Variants in SAMD4A observed in about 807,000 individuals in gnomAD.
SAMD4A encodes the protein sterile alpha motif domain containing 4A, also known as protein Smaug homolog 1.
A neutral mutation model predicts 81.3 loss-of-function variants in SAMD4A; 33 were observed. The observed-to-expected ratio is 0.41, with a 90% confidence interval of 0.31 to 0.54. The LOEUF (loss-of-function observed/expected upper bound fraction) is 0.54, where lower values mean the gene tolerates loss of function less well. Ranked by LOEUF, SAMD4A falls within the 20% of genes least tolerant of loss-of-function variation. SAMD4A has a pLI of 0.37. For missense variants in SAMD4A, 854 were observed against 951.1 expected, an observed-to-expected ratio of 0.90 and a Z score of 1.34; for synonymous variants, 389 against 382.1, an observed-to-expected ratio of 1.02 and a Z score of -0.21.
intron 2 of SAMD4A, chr14:54,652,788 T>C (rs2140429226): frequency 6.6e-6 from 1 of 152,306 alleles, no homozygotes; most frequent in African/African-American, 2.4e-5. Context: ...CTACTTAATC[T>C]CGGACTCTTC....
chr14:54,614,310 G>A (rs1164105686), intron 2 of SAMD4A, among the ~76,000 whole-genome samples: 1 of 152,024 alleles, frequency 6.6e-6, no homozygotes, highest in Admixed American at 6.5e-5. Context: ...TATTTTTTAA[G>A]TTTCTTGGTT....
intron 2 of SAMD4A, among the ~76,000 whole-genome samples, chr14:54,599,397 A>T (rs976625346): frequency 1.2e-4 from 18 of 152,134 alleles, no homozygotes; most frequent in Non-Finnish European, 8.8e-5. Flanking sequence ...TAACCTGAGC[A>T]CCTTATTTTT....
intron 7 of SAMD4A, among the ~76,000 whole-genome samples, chr14:54,763,605 G>A (rs1318781740): frequency 1.3e-5 from 2 of 152,148 alleles, no homozygotes; most frequent in African/African-American, 4.8e-5. Context: ...GCCATGCAGG[G>A]TTAGGGACAG....
intron 4 of SAMD4A, among the ~76,000 whole-genome samples, chr14:54,744,693 C>T (rs1398420655): frequency 6.6e-6 from 1 of 152,158 alleles, no homozygotes; most frequent in Non-Finnish European, 1.5e-5. Context: ...CCTTGCACTT[C>T]CCCCTGAAAG....
chr14:54,767,676 T>G (rs1459445770), intron 8 of SAMD4A, among the ~76,000 whole-genome samples: 1 of 152,086 alleles, frequency 6.6e-6, no homozygotes, highest in East Asian at 1.9e-4. Context: ...AGCCTTCCCT[T>G]CCCCTCCAGG....
At chr14:54,618,034 G>T (rs1001774005) in intron 2 of SAMD4A, among the ~76,000 whole-genome samples, 1 of 152,084 alleles carries the variant, frequency 6.6e-6, no homozygotes, top group South Asian at 2.1e-4. Flanking sequence ...GTTTTTTCCC[G>T]AAGGAGTTTG....
At chr14:54,581,761 T>A (rs967514387) in intron 2 of SAMD4A, among the ~76,000 whole-genome samples, 9 of 152,248 alleles carry the variant, frequency 5.9e-5, no homozygotes, top group Non-Finnish European at 4.4e-5. Context: ...GATAATTTTT[T>A]AAAATTCTGT....
intron 2 of SAMD4A, among the ~76,000 whole-genome samples, chr14:54,689,219 C>T (rs1255281218): frequency 6.6e-6 from 1 of 152,130 alleles, no homozygotes; most frequent in Admixed American, 6.5e-5. Context: ...AGGCATGAGC[C>T]ACCGCGCCCG....
In SAMD4A at chr14:54,791,948, T is replaced by C. The variant is rs1383074984; in HGVS notation, c.*3004T>C. Reference sequence around the variant, plus strand: ...AATCTCAGAGTAAAATCTATTTCACTACATGCTTTTCCCCCCTTGTTCTGA... The same window carrying C: ...AATCTCAGAGTAAAATCTATTTCACCACATGCTTTTCCCCCCTTGTTCTGA... On this transcript the variant is annotated 3_prime_UTR_variant, in exon 13 of 13. Coordinates refer to ENST00000554335, the MANE Select transcript of SAMD4A (RefSeq NM_015589.6). 1 of 152,260 alleles carries C rather than the reference T, an allele frequency of 6.6e-6. No individual in the cohort carries two copies. Among genetic ancestry groups the C allele is most frequent in the African/African-American group, 2.4e-5 (1 of 41,470 alleles). 9.4% of individuals were successfully genotyped at this position (152,260 alleles called of 1,614,324 possible). A position where few individuals can be genotyped will look rare whatever the true frequency, so the allele number is the denominator to read the frequency against.
chr14:54,606,475 G>A (rs2034209485), intron 2 of SAMD4A, among the ~76,000 whole-genome samples: 1 of 152,150 alleles, frequency 6.6e-6, no homozygotes, highest in Non-Finnish European at 1.5e-5. Flanking sequence ...GCGGGGGGAG[G>A]AGTTTGCCCC....
In SAMD4A at chr14:54,567,757, G is replaced by C; in HGVS notation, c.-160G>C. 4 of 639,942 alleles carry C rather than the reference G, an allele frequency of 6.3e-6. No individual in the cohort carries two copies. Among genetic ancestry groups the C allele is most frequent in the Non-Finnish European group, 1.0e-5 (4 of 389,432 alleles). The allele number at this position is 639,942 out of a possible 1,614,324, so 39.6% of individuals were successfully genotyped here. Reference sequence around the variant, plus strand: ...ACGTAACTGAAACCAGACAAGAGAGGCAGGAGCCCAGGCAGTACCTGCAGC... The same window carrying C: ...ACGTAACTGAAACCAGACAAGAGAGCCAGGAGCCCAGGCAGTACCTGCAGC... On this transcript the variant is annotated 5_prime_UTR_variant, in exon 2 of 13. Coordinates refer to ENST00000554335, the MANE Select transcript of SAMD4A (RefSeq NM_015589.6).
intron 3 of SAMD4A, among the ~76,000 whole-genome samples, chr14:54,722,657 C>T (rs894219122): frequency 2.0e-5 from 3 of 152,110 alleles, no homozygotes; most frequent in Admixed American, 6.5e-5. Context: ...TCTTTGATTC[C>T]TTAACTGATA....
Position 54,775,151 on chromosome 14 carries a change from A to G in SAMD4A, c.1917+16A>G, listed in dbSNP as rs2038809611. ...AGGAAGACAGGTTTGTTCTGCCCCA[A>G]GGAAGGAGGAGGATGGCCAAGCTCA... On this transcript the variant is annotated intron_variant, in intron 10 of 12. Coordinates refer to ENST00000554335, the MANE Select transcript of SAMD4A (RefSeq NM_015589.6). 1.9e-6 allele frequency: 3 copies of G among 1,614,004 alleles called. No individual in the cohort carries two copies. The highest frequency in any genetic ancestry group is 3.3e-5 in the Admixed American group (2 of 60,006).
intron 8 of SAMD4A, among the ~76,000 whole-genome samples, chr14:54,767,768 T>C (rs1359193450): frequency 1.3e-5 from 2 of 152,190 alleles, no homozygotes; most frequent in Non-Finnish European, 2.9e-5. Flanking sequence ...TCATAGCCAA[T>C]GCAGATCCCC....
intron 2 of SAMD4A, among the ~76,000 whole-genome samples, chr14:54,667,906 G>C (rs1014215353): frequency 2.0e-5 from 3 of 152,182 alleles, no homozygotes; most frequent in African/African-American, 7.2e-5. Flanking sequence ...GCTGTTCAGT[G>C]GTGGGCCTGC....
At chr14:54,693,133 G>A (rs1233991847) in intron 2 of SAMD4A, 1 of 152,046 alleles carries the variant, frequency 6.6e-6, no homozygotes, top group African/African-American at 2.4e-5. Flanking sequence ...GAAAAGGGGG[G>A]GGTAGTAAAG....
chr14:54,772,240 T>C (rs2038725187), intron 9 of SAMD4A, among the ~76,000 whole-genome samples: 1 of 152,218 alleles, frequency 6.6e-6, no homozygotes, highest in Non-Finnish European at 1.5e-5. Context: ...AACATTTCAG[T>C]GTAATGAAAT....
intron 2 of SAMD4A, among the ~76,000 whole-genome samples, chr14:54,589,190 A>T (rs894342591): frequency 2.0e-5 from 3 of 152,218 alleles, no homozygotes; most frequent in Non-Finnish European, 2.9e-5. Flanking sequence ...TACAATGGAT[A>T]AACGATTCAT....
At position 54,775,107 on chromosome 14, in the gene SAMD4A, C is replaced by A; in HGVS notation, c.1889C>A (p.Thr630Asn). Residue 630 changes from threonine (T) to asparagine (N), a missense_variant, in exon 10 of 13, where the codon ACC becomes AAC. Around this residue, in one of 3 missense-constraint regions of SAMD4A, gnomAD observed 428 missense variants for 471.2 expected, o/e 0.91. Coordinates refer to ENST00000554335, the MANE Select transcript of SAMD4A (RefSeq NM_015589.6). ...TCCAACCAGCGCAACACCACAGCTA[C>A]CCCCACCATCATGAAACAAGGAAGA... Reference protein sequence around the residue: ...VSSNQRNTTATPTIMKQGRQN... With the variant: ...VSSNQRNTTANPTIMKQGRQN... The A allele has an allele frequency of 6.2e-7, 1 of 1,614,196 alleles. No homozygotes were observed. Among genetic ancestry groups the A allele is most frequent in the Non-Finnish European group, 8.5e-7 (1 of 1,180,038 alleles).
Sources: gnomAD v4.1 joint callset for allele counts (sites outside exome capture counted in the v4.1 genomes callset) on GRCh38, gnomAD v4.1.1 for gene constraint, gnomAD v4.1.1 regional missense constraint, MANE v1.5 for transcripts, NCBI Gene and HGNC (gene_info 2026-07-23, HGNC 2026-07-21) for gene names.